PRKN: variants seen among roughly 807,000 people sequenced by gnomAD.
PRKN encodes E3 ubiquitin-protein ligase parkin.
Under a neutral mutation model 59.5 loss-of-function variants are expected in PRKN, and 56 were observed. The ratio of observed to expected loss-of-function variants is 0.94; its 90% CI spans 0.76 to 1.18. The LOEUF is 1.18. Ranked by LOEUF, PRKN falls within the 50% of genes most tolerant of loss-of-function variation. The pLI is 0.00. For synonymous variants in PRKN, 250 were observed against 222.1 expected (o/e 1.13, Z -1.12); for missense variants, 657 against 596.4 (o/e 1.10, Z -1.06).
intron 6 of PRKN, among the ~76,000 whole-genome samples, chr6:161,805,344 C>T (rs1472512440): frequency 6.6e-6 from 1 of 152,072 alleles, no homozygotes; most frequent in Non-Finnish European, 1.5e-5. Flanking sequence ...CCTCACAGAC[C>T]TTATACCCTC....
chr6:162,660,780 G>A (rs13202339), intron 1 of PRKN, among the ~76,000 whole-genome samples: 13,232 of 152,168 alleles, frequency 0.087, 714 homozygotes, highest in Middle Eastern at 0.18. Flanking sequence ...TCTTAAAACC[G>A]TCAGCCCCAA....
chr6:161,540,277 TTTTA>T (rs1445312222), intron 9 of PRKN, among the ~76,000 whole-genome samples: 4 of 152,230 alleles, frequency 2.6e-5, no homozygotes, highest in Non-Finnish European at 4.4e-5. Flanking sequence ...TATGAAAATA[TTTTA>T]TTTATCATTA....
intron 7 of PRKN, among the ~76,000 whole-genome samples, chr6:161,730,949 T>C (rs1332194370): frequency 6.6e-6 from 1 of 152,204 alleles, no homozygotes; most frequent in Non-Finnish European, 1.5e-5. Context: ...CTTTCTGATG[T>C]GTTGCATTCT....
chr6:161,807,200 G>A (rs1045597008), intron 6 of PRKN, among the ~76,000 whole-genome samples: 2 of 152,052 alleles, frequency 1.3e-5, no homozygotes, highest in South Asian at 2.1e-4. Flanking sequence ...TAAACCATAC[G>A]GAGATTTCAG....
At chr6:162,597,526 T>C (rs1781537855) in intron 1 of PRKN, among the ~76,000 whole-genome samples, 1 of 152,236 alleles carries the variant, frequency 6.6e-6, no homozygotes, top group African/African-American at 2.4e-5. Flanking sequence ...TTTGAAGACC[T>C]TTCTTATTAT....
rs200330108 is a variant in PRKN at position 162,078,886 on chromosome 6, A to T, written c.535-24712T>A. ...TAATAATTAATACTTAATAATTAAT[A>T]AATACTTTAAAAAAGATTAGGTAAG... On this transcript the variant is annotated intron_variant, in intron 4 of 11. Coordinates refer to ENST00000366898, the MANE Select transcript of PRKN (RefSeq NM_004562.3). Among the ~76,000 whole-genome samples, 55 of 151,552 alleles carry T rather than the reference A, an allele frequency of 3.6e-4. 1 individual carries two copies. Among genetic ancestry groups the T allele is most frequent in the Admixed American group, 2.4e-3 (37 of 15,238 alleles).
chr6:162,529,763 C>T (rs73591855), intron 1 of PRKN, among the ~76,000 whole-genome samples: 4 of 152,094 alleles, frequency 2.6e-5, no homozygotes, highest in Admixed American at 1.3e-4. Flanking sequence ...GCTACATCAA[C>T]CTATGTAAGG....
chr6:161,522,686 T>G (rs1778878861), intron 9 of PRKN, among the ~76,000 whole-genome samples: 1 of 152,174 alleles, frequency 6.6e-6, no homozygotes, highest in South Asian at 2.1e-4. Flanking sequence ...TAGTAAACAG[T>G]CAGACCAAGG....
intron 1 of PRKN, among the ~76,000 whole-genome samples, chr6:162,673,234 G>T (rs1779402690): frequency 6.6e-6 from 1 of 152,186 alleles, no homozygotes; most frequent in Non-Finnish European, 1.5e-5. Context: ...CTTCGAGGCA[G>T]AAACGGTGTG....
At chr6:161,392,252 C>A (rs1011782490) in intron 9 of PRKN, among the ~76,000 whole-genome samples, 1 of 151,650 alleles carries the variant, frequency 6.6e-6, no homozygotes, top group Admixed American at 6.6e-5. Context: ...GGCATGGTGG[C>A]AGGCACCTGT....
At chr6:162,486,203 TTAC>T in intron 1 of PRKN, among the ~76,000 whole-genome samples, 1 of 152,202 alleles carries the variant, frequency 6.6e-6, no homozygotes. Flanking sequence ...TAAAGCTGCA[TTAC>T]TACTCATACA....
chr6:161,721,855 T>A (rs1787236639), intron 7 of PRKN, among the ~76,000 whole-genome samples: 1 of 152,208 alleles, frequency 6.6e-6, no homozygotes, highest in South Asian at 2.1e-4. Flanking sequence ...AGATTCCATG[T>A]GAATCTCAGT....
chr6:161,789,326 A>T (rs898101652), intron 6 of PRKN, among the ~76,000 whole-genome samples: 1 of 152,056 alleles, frequency 6.6e-6, no homozygotes, highest in African/African-American at 2.4e-5. Flanking sequence ...AACTTCGCAG[A>T]CTTCCTTTCA....
chr6:161,457,221 C>A lies in PRKN; in HGVS notation c.1084-70344G>T, dbSNP rs916796460. Among the ~76,000 whole-genome samples the A allele has an allele frequency of 2.0e-5, 3 of 152,184 alleles. No homozygotes were observed. Among genetic ancestry groups the A allele is most frequent in the Admixed American group, 2.0e-4 (3 of 15,280 alleles). ...AAGCCAAGGCTAATAATAATGCATT[C>A]CATTACTTTTCCTACACATGTGTCT... is the stretch of plus-strand genomic sequence containing the variant. On this transcript the variant is annotated intron_variant, in intron 9 of 11. Transcript: ENST00000366898. This position sits in a 1 kb window ranked among gnomAD's most constrained non-coding sequence, Gnocchi z 5.0.
intron 4 of PRKN, among the ~76,000 whole-genome samples, chr6:162,058,243 T>A (rs1489484613): frequency 6.6e-6 from 1 of 152,252 alleles, no homozygotes; most frequent in East Asian, 1.9e-4. Context: ...CCTCATCTAA[T>A]TTAATTTTTC....
intron 2 of PRKN, among the ~76,000 whole-genome samples, chr6:162,437,437 T>C (rs74638310): frequency 0.062 from 9,431 of 151,610 alleles, 740 homozygotes; most frequent in East Asian, 0.42. Context: ...GCCAGCTACC[T>C]TTTCCCCAGC....
chr6:161,626,524 G>C (rs1303340497), intron 7 of PRKN, among the ~76,000 whole-genome samples: 2 of 152,216 alleles, frequency 1.3e-5, no homozygotes, highest in African/African-American at 4.8e-5. Flanking sequence ...ACATGTGGTT[G>C]CCAGACTGAA....
intron 4 of PRKN, among the ~76,000 whole-genome samples, chr6:162,173,224 G>T (rs1466929891): frequency 1.3e-5 from 2 of 152,108 alleles, no homozygotes; most frequent in Non-Finnish European, 2.9e-5. Flanking sequence ...GACCTCTAGT[G>T]GCCTGTACAC....
chr6:162,315,243 T>C (rs1782701933), intron 2 of PRKN, among the ~76,000 whole-genome samples: 1 of 152,192 alleles, frequency 6.6e-6, no homozygotes, highest in Non-Finnish European at 1.5e-5. Flanking sequence ...AAAGTGGTAA[T>C]TGATCTAACT....
Sources: allele counts gnomAD v4.1 joint callset (sites outside exome capture counted in the v4.1 genomes callset), GRCh38; gene constraint gnomAD v4.1.1; non-coding constraint Gnocchi (gnomAD v3.1); transcripts MANE v1.5; gene names NCBI Gene and HGNC (gene_info 2026-07-23, HGNC 2026-07-21).